CCSER2: variants seen among roughly 807,000 people sequenced by gnomAD.
The protein encoded by CCSER2 is coiled-coil serine rich protein 2, also known as serine-rich coiled-coil domain-containing protein 2.
A neutral mutation model predicts 92.3 loss-of-function variants in CCSER2; 46 were observed. The observed-to-expected ratio is 0.50, with a 90% CI of 0.39 to 0.64. CCSER2 has a LOEUF of 0.64. Ranked by LOEUF, CCSER2 falls within the 30% of genes least tolerant of loss-of-function variation. CCSER2 has a pLI of 0.00. For missense variants in CCSER2, 1,244 were observed against 1,238.9 expected (o/e 1.00, Z -0.06); for synonymous variants, 433 against 431.4 (o/e 1.00, Z -0.04).
intron 9 of CCSER2, among the ~76,000 whole-genome samples, chr10:84,499,711 T>C (rs1848622724): frequency 6.6e-6 from 1 of 152,232 alleles, no homozygotes; most frequent in Non-Finnish European, 1.5e-5. Flanking sequence ...TTATGATGTA[T>C]TTTTAGTAAT....
chr10:84,390,523 A>G (rs1190163183), intron 3 of CCSER2, among the ~76,000 whole-genome samples: 2 of 152,234 alleles, frequency 1.3e-5, no homozygotes, highest in Non-Finnish European at 2.9e-5. Context: ...ATATCTAAAT[A>G]TAGAAAAGGT....
intron 4 of CCSER2, 76 bp downstream of exon 4, chr10:84,417,937 C>T: frequency 1.3e-6 from 1 of 768,326 alleles, no homozygotes; most frequent in Non-Finnish European, 2.4e-6. Context: ...ATATTTGTTA[C>T]TTGCAGACTT....
At chr10:84,461,308 T>A (rs916973355) in intron 6 of CCSER2, among the ~76,000 whole-genome samples, 2 of 152,224 alleles carry the variant, frequency 1.3e-5, no homozygotes, top group African/African-American at 4.8e-5. Flanking sequence ...TTCTTTTAAA[T>A]TTGGTTTCTC....
intron 3 of CCSER2, among the ~76,000 whole-genome samples, chr10:84,401,898 A>G (rs1247455229): frequency 6.6e-6 from 1 of 152,120 alleles, no homozygotes; most frequent in Non-Finnish European, 1.5e-5. Flanking sequence ...ACTACACCCA[A>G]ATGACAAGCT....
At chr10:84,497,676 G>A (rs1848522773) in intron 9 of CCSER2, among the ~76,000 whole-genome samples, 1 of 152,136 alleles carries the variant, frequency 6.6e-6, no homozygotes, top group African/African-American at 2.4e-5. Context: ...GGGAGTTTTA[G>A]GCTATAGAAG....
intron 3 of CCSER2, among the ~76,000 whole-genome samples, chr10:84,388,781 A>C (rs2133247787): frequency 6.6e-6 from 1 of 152,218 alleles, no homozygotes; most frequent in East Asian, 1.9e-4. Context: ...TAGATCCCTC[A>C]TGTGCGCAGT....
At chr10:84,443,876 G>A (rs547255506) in intron 6 of CCSER2, among the ~76,000 whole-genome samples, 199 of 152,178 alleles carry the variant, frequency 1.3e-3, no homozygotes, top group African/African-American at 4.6e-3. Flanking sequence ...ATCATTCTTA[G>A]CAAGCTAATA....
chr10:84,338,732 C>T (rs1446524169), intron 1 of CCSER2, among the ~76,000 whole-genome samples: 2 of 152,194 alleles, frequency 1.3e-5, no homozygotes, highest in African/African-American at 4.8e-5. Flanking sequence ...TTGACAGCTA[C>T]TCTTCTCTAC....
At chr10:84,501,855 A>AC (rs1312251678) in intron 9 of CCSER2, among the ~76,000 whole-genome samples, 1 of 113,122 alleles carries the variant, frequency 8.8e-6, no homozygotes. Flanking sequence ...ATATATATAT[A>AC]TATACTCATA....
At chr10:84,377,444 G>C (rs139838300) in intron 3 of CCSER2, among the ~76,000 whole-genome samples, 13 of 152,196 alleles carry the variant, frequency 8.5e-5, no homozygotes, top group Non-Finnish European at 1.6e-4. Context: ...GGTCATCTTT[G>C]TCATAAATCA....
At chr10:84,408,003 G>C (rs1842459556) in intron 3 of CCSER2, among the ~76,000 whole-genome samples, 1 of 152,168 alleles carries the variant, frequency 6.6e-6, no homozygotes, top group Non-Finnish European at 1.5e-5. Context: ...GTCATGGTTA[G>C]TGAATGGGCT....
At chr10:84,420,699 C>CA (rs1843097952) in intron 4 of CCSER2, among the ~76,000 whole-genome samples, 2 of 152,052 alleles carry the variant, frequency 1.3e-5, no homozygotes, top group Non-Finnish European at 2.9e-5. Flanking sequence ...TTTGGGAGGC[C>CA]AAGGTGGGCA....
chr10:84,505,687 C>G (rs1419791970), intron 9 of CCSER2, among the ~76,000 whole-genome samples: 1 of 151,734 alleles, frequency 6.6e-6, no homozygotes, highest in East Asian at 1.9e-4. Flanking sequence ...CTTTTCGCAG[C>G]CAATTTCAAG....
At chr10:84,485,796 A>C (rs987651800) in intron 9 of CCSER2, among the ~76,000 whole-genome samples, 2 of 152,162 alleles carry the variant, frequency 1.3e-5, no homozygotes, top group Admixed American at 1.3e-4. Flanking sequence ...CACAACGTGC[A>C]GGTTTGTTAC....
At chr10:84,413,383 C>G (rs1054592057) in intron 3 of CCSER2, among the ~76,000 whole-genome samples, 1 of 152,114 alleles carries the variant, frequency 6.6e-6, no homozygotes, top group African/African-American at 2.4e-5. Context: ...AACTTGATTT[C>G]TGCCTTACTT....
Position 84,443,525 on chromosome 10 carries a change from C to G in CCSER2, c.2064+4818C>G, listed in dbSNP as rs945269734. Among the ~76,000 whole-genome samples, 6 of 152,148 alleles carry G rather than the reference C, an allele frequency of 3.9e-5. No individual in the cohort carries two copies. In the South Asian group the frequency reaches 6.2e-4, roughly 16 times the overall value. Reference sequence around the variant, plus strand: ...TGGAGAGGATGTGGAGAAATAGGAACACTTTTACACTGTTGGTGGGAGTGT... The same window carrying G: ...TGGAGAGGATGTGGAGAAATAGGAAGACTTTTACACTGTTGGTGGGAGTGT... On this transcript the variant is annotated intron_variant, in intron 6 of 9. Coordinates refer to ENST00000372088, the MANE Select transcript of CCSER2 (RefSeq NM_001284240.2).
At chr10:84,484,671 A>G (rs1171466431) in intron 9 of CCSER2, among the ~76,000 whole-genome samples, 1 of 152,158 alleles carries the variant, frequency 6.6e-6, no homozygotes, top group African/African-American at 2.4e-5. Context: ...TTATTTTTAA[A>G]TTATTCAATG....
intron 3 of CCSER2, 64 bp downstream of exon 3, chr10:84,373,879 A>G (rs1165658084): frequency 2.5e-6 from 4 of 1,595,066 alleles, no homozygotes; most frequent in Admixed American, 3.4e-5. Flanking sequence ...GACTTGTGAT[A>G]TGATTGATTT....
intron 9 of CCSER2, among the ~76,000 whole-genome samples, chr10:84,480,122 A>G (rs7912613): frequency 0.028 from 4,317 of 152,226 alleles, 63 homozygotes; most frequent in South Asian, 0.069. Context: ...ATGGTCCACT[A>G]TAGCCTTGAC....
Sources: gnomAD v4.1 joint callset for allele counts (sites outside exome capture counted in the v4.1 genomes callset) on GRCh38, gnomAD v4.1.1 for gene constraint, MANE v1.5 for transcripts, NCBI Gene and HGNC (gene_info 2026-07-23, HGNC 2026-07-21) for gene names.